The following ZNF510 variants were observed in gnomAD, a reference collection of about 807,000 sequenced individuals.
ZNF510 encodes the protein zinc finger protein 510.
A neutral mutation model predicts 18.1 loss-of-function variants in ZNF510; 15 were observed. That is an observed-to-expected ratio of 0.83 (90% CI 0.55 to 1.28). ZNF510 has a LOEUF of 1.28. Ranked by LOEUF, ZNF510 falls within the 50% of genes most tolerant of loss-of-function variation. The probability of loss-of-function intolerance (pLI) is 0.00; values close to 1 mark genes in which losing one functional copy is unlikely to be tolerated. For synonymous variants in ZNF510, 261 were observed against 266.4 expected (o/e 0.98, Z 0.20); for missense variants, 724 against 791.8 (o/e 0.91, Z 1.03).
At chr9:96,775,475 A>G (rs1291312201) in intron 2 of ZNF510, among the ~76,000 whole-genome samples, 1 of 152,198 alleles carries the variant, frequency 6.6e-6, no homozygotes, top group East Asian at 1.9e-4. Flanking sequence ...TGTTAATATT[A>G]TTTACACCAA....
chr9:96,772,310 T>C (rs1313664585), intron 3 of ZNF510, among the ~76,000 whole-genome samples: 3 of 152,194 alleles, frequency 2.0e-5, no homozygotes, highest in East Asian at 1.9e-4. Context: ...AGTAACAATA[T>C]AGGAGAATAT....
intron 3 of ZNF510, among the ~76,000 whole-genome samples, chr9:96,771,590 T>C (rs976771273): frequency 6.6e-6 from 1 of 152,102 alleles, no homozygotes; most frequent in Non-Finnish European, 1.5e-5. Context: ...ATTATCACCA[T>C]TTGTACTAAA....
intron 5 of ZNF510, among the ~76,000 whole-genome samples, chr9:96,762,442 G>C (rs1427376063): frequency 1.3e-5 from 2 of 150,616 alleles, no homozygotes; most frequent in East Asian, 3.9e-4. Context: ...CTGGGAGGTG[G>C]AGCTTGCAGT....
Position 96,768,464 on chromosome 9 carries a change from G to A in ZNF510, c.130-4832C>T, listed in dbSNP as rs930397081. Among the ~76,000 whole-genome samples the A allele has an allele frequency of 1.2e-4, 18 of 151,788 alleles. 1 individual carries two copies. The highest frequency in any genetic ancestry group is 1.2e-4 in the Non-Finnish European group (8 of 67,938). ...GATTTAATACATGGAAAAGACTAAG[G>A]AAGCCACAAAAAACTATTAGAGCCA... On this transcript the variant is annotated intron_variant, in intron 3 of 5. Coordinates refer to ENST00000223428, the MANE Select transcript of ZNF510 (RefSeq NM_014930.3).
intron 1 of ZNF510, 150 bp downstream of exon 1, chr9:96,777,884 C>A (rs1849739727): frequency 1.3e-5 from 2 of 152,276 alleles, no homozygotes; most frequent in African/African-American, 2.4e-5. Flanking sequence ...CCCACCGGCC[C>A]TTCTCAGGCT....
rs1849406300 is a variant in ZNF510, at chr9:96,763,577, T to C, written c.185A>G (p.Gln62Arg). The stretch of plus-strand genomic sequence containing the variant: ...CAGATTCTTCTGAACAGGGGCCATT[T>C]GCTGCCACTCCTCCTGGGTGAATTC... ...TIEFTQEEWQ[Q>R]MAPVQKNLYR... Residue 62 changes from glutamine (Q) to arginine (R), a missense_variant, in exon 4 of 6, where the codon CAA (glutamine) becomes CGA (arginine). By Grantham distance (43) the Gln-to-Arg change is conservative. Transcript: ENST00000223428. The C allele has an allele frequency of 6.2e-7, 1 of 1,613,570 alleles. No individual in the cohort carries two copies. The highest frequency in any genetic ancestry group is 8.5e-7 in the Non-Finnish European group (1 of 1,179,824).
intron 3 of ZNF510, among the ~76,000 whole-genome samples, chr9:96,769,610 G>T (rs568094655): frequency 9.2e-5 from 14 of 152,150 alleles, no homozygotes; most frequent in Non-Finnish European, 1.6e-4. Flanking sequence ...TTAAACTTTT[G>T]TGCAAAGGAT....
At chr9:96,763,066 T>C (rs1849390123) in intron 5 of ZNF510, 52 bp downstream of exon 5, 1 of 1,480,896 alleles carries the variant, frequency 6.8e-7, no homozygotes, top group Non-Finnish European at 9.4e-7. Context: ...TAAAGTGACC[T>C]GGAGTCTAAC....
rs1349788740 is a variant in ZNF510, at chr9:96,756,620, C to G, written c.*2158G>C. 6.6e-6 allele frequency: 1 copy of G among 152,158 alleles called. No homozygotes were observed. Among genetic ancestry groups the G allele is most frequent in the African/African-American group, 2.4e-5 (1 of 41,428 alleles). 9.4% of individuals were successfully genotyped at this position (152,158 alleles called of 1,614,324 possible). On this transcript the variant is annotated 3_prime_UTR_variant, in exon 6 of 6. Transcript: ENST00000223428. ...TTGTTGAGTCCAAGACGACAAACTC[C>G]TAAAGTGGAATTTTAGGTCAGAACC...
intron 3 of ZNF510, among the ~76,000 whole-genome samples, chr9:96,769,847 C>G (rs1849550187): frequency 6.6e-6 from 1 of 151,964 alleles, no homozygotes; most frequent in Admixed American, 6.6e-5. Flanking sequence ...CAAGGAAATG[C>G]AAATCAAAGT....
chr9:96,763,665 G>A (rs1362610598), intron 3 of ZNF510, 33 bp from the exon 4 acceptor site: 3 of 1,542,072 alleles, frequency 1.9e-6, no homozygotes, highest in Non-Finnish European at 2.6e-6. Flanking sequence ...AATCTGAAGG[G>A]TTCAGAATTA....
chr9:96,757,903 G>GACTA lies in ZNF510; in HGVS notation c.*871_*874dup, dbSNP rs1452230751. 1.3e-5 allele frequency: 2 copies of GACTA among 152,122 alleles called. No individual in the cohort carries two copies. The highest frequency in any genetic ancestry group is 1.3e-4 in the Admixed American group (2 of 15,276). The allele number at this position is 152,122 out of a possible 1,614,324, so 9.4% of individuals were successfully genotyped here. On this transcript the variant is annotated 3_prime_UTR_variant, in exon 6 of 6. Coordinates refer to ENST00000223428, the MANE Select transcript of ZNF510 (RefSeq NM_014930.3). ...CTGATAACTAAAATGTCAAGTAAGT[G>GACTA]ACTAACTGGCAGATAGTGTATACAC...
At position 96,759,409 on chromosome 9, in the gene ZNF510, GT is replaced by G. The variant is rs1457881607; in HGVS notation, c.1420del (p.Thr474ProfsTer197). On this transcript the variant is annotated frameshift_variant, in exon 6 of 6. Coordinates refer to ENST00000223428, the MANE Select transcript of ZNF510 (RefSeq NM_014930.3). LOFTEE classifies it low-confidence loss of function (END_TRUNC). ...ECGKTFVQKS[T>X]LRGHQRIHTG... ...GTGAATTCTTTGATGTCCCCTGAGG[GT>G]TGACTTCTGGACAAATGTTTTTCCA... 1.4e-5 allele frequency: 23 copies of G among 1,613,822 alleles called. No homozygotes were observed. In the Admixed American group the frequency reaches 2.3e-4, roughly 16 times the overall value.
rs372143670 is a variant in ZNF510, at chr9:96,774,740, A to C, written c.129+48T>G. ...TTTCCATATTAATATGTGGACCCTT[A>C]AACACCTATGAAATCCATGATGAAA... On this transcript the variant is annotated intron_variant, in intron 3 of 5. Coordinates refer to ENST00000223428, the MANE Select transcript of ZNF510 (RefSeq NM_014930.3). The C allele has an allele frequency of 2.0e-5, 30 of 1,517,670 alleles. No homozygotes were observed. The African/African-American group carries it at 2.7e-4, about 14-fold the overall frequency. The allele number at this position is 1,517,670 out of a possible 1,614,324, so 94.0% of individuals were successfully genotyped here.
At chr9:96,773,888 T>C (rs1849635377) in intron 3 of ZNF510, among the ~76,000 whole-genome samples, 1 of 152,224 alleles carries the variant, frequency 6.6e-6, no homozygotes, top group African/African-American at 2.4e-5. Context: ...TGTTGACATC[T>C]TGATCTCAGA....
chr9:96,762,722 TGA>T (rs762716547), intron 5 of ZNF510, among the ~76,000 whole-genome samples: 1 of 152,182 alleles, frequency 6.6e-6, no homozygotes, highest in Admixed American at 6.5e-5. Context: ...TGAAAACTAA[TGA>T]GATTGAACAC....
chr9:96,759,307 C>A lies in ZNF510; in HGVS notation c.1523G>T (p.Arg508Ile), dbSNP rs763036488. 6.2e-7 allele frequency: 1 copy of A among 1,614,006 alleles called. No individual in the cohort carries two copies. Among genetic ancestry groups the A allele is most frequent in the Admixed American group, 1.7e-5 (1 of 59,992 alleles). The change falls in exon 6 of 6, where the codon AGA becomes ATA. Residue 508 changes from arginine to isoleucine, a missense_variant. By Grantham distance (97) the Arg-to-Ile change is moderately conservative. Transcript: ENST00000223428. ...AAAGGATTTCTCCCCTGTGTGAATT[C>A]TGTGATGATCTCTGAGGGTGGACTT... ...VQKSTLRDHH[R>I]IHTGEKSFQC...
intron 3 of ZNF510, among the ~76,000 whole-genome samples, chr9:96,768,153 A>ATG (rs1849513896): frequency 2.0e-5 from 3 of 152,214 alleles, no homozygotes; most frequent in Non-Finnish European, 4.4e-5. Flanking sequence ...AAAGCATTTG[A>ATG]CAAAAATATC....
intron 3 of ZNF510, among the ~76,000 whole-genome samples, chr9:96,766,980 G>C (rs1459460686): frequency 6.6e-6 from 1 of 152,056 alleles, no homozygotes; most frequent in African/African-American, 2.4e-5. Flanking sequence ...AAGTCCCTGG[G>C]GGCCATACAC....
Sources: allele counts gnomAD v4.1 joint callset (sites outside exome capture counted in the v4.1 genomes callset), GRCh38; gene constraint gnomAD v4.1.1; transcripts MANE v1.5; gene names NCBI Gene and HGNC (gene_info 2026-07-23, HGNC 2026-07-21).